Variants in CLSTN2 observed in about 807,000 individuals in gnomAD.
CLSTN2 encodes the protein calsyntenin 2.
CLSTN2 carries 48 observed loss-of-function variants against 101.2 expected under a neutral mutation model. The ratio of observed to expected loss-of-function variants is 0.47; its 90% CI spans 0.38 to 0.60. The LOEUF (loss-of-function observed/expected upper bound fraction) is 0.60, where lower values mean the gene tolerates loss of function less well. Among genes scored for constraint, CLSTN2 ranks in the 20% least tolerant of loss-of-function variants. CLSTN2 has a pLI of 0.00. For missense variants in CLSTN2, 1,160 were observed against 1,238.2 expected (o/e 0.94, Z 0.95); for synonymous variants, 481 against 463.6 (o/e 1.04, Z -0.48).
chr3:140,040,640 C>T (rs956533762), intron 1 of CLSTN2, among the ~76,000 whole-genome samples: 3 of 152,016 alleles, frequency 2.0e-5, no homozygotes, highest in South Asian at 4.1e-4. Context: ...GTGCTGATGG[C>T]TTTTCCCATT....
chr3:140,137,776 G>A lies in CLSTN2; in HGVS notation c.110-38175G>A, dbSNP rs907211186. ...CCAGCCCCATGAGGCAGACAACATC[G>A]GTAGAGCAGAGACTGCTTCCCTATT... On this transcript the variant is annotated intron_variant, in intron 1 of 16. Coordinates refer to ENST00000458420, the MANE Select transcript of CLSTN2 (RefSeq NM_022131.3). 2.5e-4 allele frequency among the ~76,000 whole-genome samples: 38 copies of A among 152,270 alleles called. 1 individual carries two copies. The highest frequency in any genetic ancestry group is 8.9e-4 in the African/African-American group (37 of 41,552).
chr3:140,185,716 G>A (rs529863553), intron 2 of CLSTN2, among the ~76,000 whole-genome samples: 16 of 152,132 alleles, frequency 1.1e-4, no homozygotes, highest in South Asian at 2.1e-4. Context: ...GTGGGGAAGG[G>A]GGCAACTGTT....
chr3:140,284,873 T>C (rs2086881655), intron 2 of CLSTN2, among the ~76,000 whole-genome samples: 1 of 152,050 alleles, frequency 6.6e-6, no homozygotes, highest in Admixed American at 6.6e-5. Context: ...GGGCTTTGTC[T>C]TTCTCTAGCC....
chr3:140,042,735 C>G (rs552931131), intron 1 of CLSTN2, among the ~76,000 whole-genome samples: 3 of 152,290 alleles, frequency 2.0e-5, no homozygotes, highest in Admixed American at 2.0e-4. Flanking sequence ...CAAGTGTTCT[C>G]ATTGTTCAAT....
intron 1 of CLSTN2, among the ~76,000 whole-genome samples, chr3:140,133,360 A>G (rs1260762617): frequency 6.6e-6 from 1 of 152,204 alleles, no homozygotes; most frequent in Admixed American, 6.5e-5. Flanking sequence ...TTTGGAGAGG[A>G]TAAATATCCA....
At chr3:140,541,792 G>A (rs1178547022) in intron 9 of CLSTN2, among the ~76,000 whole-genome samples, 1 of 152,104 alleles carries the variant, frequency 6.6e-6, no homozygotes, top group African/African-American at 2.4e-5. Context: ...TTATGACTCT[G>A]GGAGGAGGCC....
chr3:140,392,669 T>C (rs1233892124), intron 2 of CLSTN2, among the ~76,000 whole-genome samples: 1 of 152,164 alleles, frequency 6.6e-6, no homozygotes, highest in Non-Finnish European at 1.5e-5. Context: ...AAAGTCATTT[T>C]TCGAGGAGGA....
chr3:140,387,918 G>A (rs536241691), intron 2 of CLSTN2, among the ~76,000 whole-genome samples: 4 of 152,266 alleles, frequency 2.6e-5, no homozygotes, highest in South Asian at 2.1e-4. Context: ...TAACACTTGC[G>A]ATCATTCATT....
At chr3:140,215,630 GGTGGAGAGAGTCAGTAGAGTATAGCAATA>G (rs2010910079) in intron 2 of CLSTN2, among the ~76,000 whole-genome samples, 2 of 152,146 alleles carry the variant, frequency 1.3e-5, no homozygotes, top group East Asian at 1.9e-4. Flanking sequence ...ACATTCAGTA[GGTGGAGAGAGTCAGTAGAGTATAGCAATA>G]GTGGAGAGAG....
chr3:140,241,880 T>TACAC (rs1219976223), intron 2 of CLSTN2, among the ~76,000 whole-genome samples: 2 of 140,072 alleles, frequency 1.4e-5, no homozygotes, highest in African/African-American at 5.4e-5. Flanking sequence ...CATATATATA[T>TACAC]ACACACACAC....
At chr3:140,015,286 G>A (rs1206975616) in intron 1 of CLSTN2, among the ~76,000 whole-genome samples, 2 of 152,134 alleles carry the variant, frequency 1.3e-5, no homozygotes, top group Non-Finnish European at 1.5e-5. Context: ...ATACCCCTAG[G>A]CATTTGTGTG....
chr3:139,965,731 C>G (rs1236209242), intron 1 of CLSTN2, among the ~76,000 whole-genome samples: 2 of 152,154 alleles, frequency 1.3e-5, no homozygotes, highest in Non-Finnish European at 1.5e-5. Context: ...GGGACCTGTC[C>G]CTCCTTCTTG....
intron 1 of CLSTN2, among the ~76,000 whole-genome samples, chr3:140,092,851 G>T (rs936110355): frequency 6.6e-6 from 1 of 152,186 alleles, no homozygotes; most frequent in African/African-American, 2.4e-5. Flanking sequence ...AGTCTCCAGG[G>T]ACGGTGACTT....
At chr3:140,352,988 G>C (rs2087626928) in intron 2 of CLSTN2, among the ~76,000 whole-genome samples, 2 of 152,090 alleles carry the variant, frequency 1.3e-5, no homozygotes, top group East Asian at 1.9e-4. Flanking sequence ...TGTGTAAACT[G>C]TTTTTCTTGT....
chr3:140,258,818 T>C (rs557491552), intron 2 of CLSTN2, among the ~76,000 whole-genome samples: 60 of 152,236 alleles, frequency 3.9e-4, no homozygotes, highest in Non-Finnish European at 7.5e-4. Context: ...CATATGATTG[T>C]AAAACTCTCT....
intron 2 of CLSTN2, among the ~76,000 whole-genome samples, chr3:140,295,586 C>A (rs988344581): frequency 1.3e-5 from 2 of 152,152 alleles, no homozygotes; most frequent in African/African-American, 2.4e-5. Context: ...AAGTATTACA[C>A]AACTGCCCCA....
chr3:139,984,673 T>C (rs1935993142), intron 1 of CLSTN2, among the ~76,000 whole-genome samples: 1 of 152,166 alleles, frequency 6.6e-6, no homozygotes, highest in South Asian at 2.1e-4. Flanking sequence ...TTGGGCTATC[T>C]CCAAGGTGCT....
intron 5 of CLSTN2, among the ~76,000 whole-genome samples, chr3:140,440,232 G>A (rs1342968012): frequency 6.6e-6 from 1 of 152,204 alleles, no homozygotes; most frequent in Non-Finnish European, 1.5e-5. Flanking sequence ...AGGAACAGCA[G>A]CAGTCACAGC....
chr3:140,285,600 G>A (rs1453876290), intron 2 of CLSTN2, among the ~76,000 whole-genome samples: 1 of 152,194 alleles, frequency 6.6e-6, no homozygotes, highest in Non-Finnish European at 1.5e-5. Context: ...GGATCTCCCA[G>A]AAGGCTTGTT....
Sources: allele counts gnomAD v4.1 joint callset (sites outside exome capture counted in the v4.1 genomes callset), GRCh38; gene constraint gnomAD v4.1.1; transcripts MANE v1.5; gene names NCBI Gene and HGNC (gene_info 2026-07-23, HGNC 2026-07-21).